Variants in PTPRM observed in about 807,000 individuals in gnomAD.
PTPRM encodes the protein protein tyrosine phosphatase receptor type M, also known as receptor-type tyrosine-protein phosphatase mu.
Under a neutral mutation model 186.7 loss-of-function variants are expected in PTPRM, and 47 were observed. The observed-to-expected ratio is 0.25, with a 90% CI of 0.20 to 0.32. The LOEUF is 0.32. Among genes scored for constraint, PTPRM ranks in the 10% least tolerant of loss-of-function variants. The pLI is 1.00. For missense variants in PTPRM, 1,494 were observed against 1,865.0 expected (o/e 0.80, Z 3.66); for synonymous variants, 668 against 674.9 (o/e 0.99, Z 0.16).
At chr18:8,384,816 CAT>C (rs2095761311) in intron 30 of PTPRM, 130 bp downstream of exon 30, 2 of 1,154,462 alleles carry the variant, frequency 1.7e-6, no homozygotes, top group South Asian at 1.5e-5. Flanking sequence ...ACCAAAAAAA[CAT>C]AGATTCCTGA....
chr18:8,191,365 A>G (rs1056934591), intron 14 of PTPRM, among the ~76,000 whole-genome samples: 1 of 152,188 alleles, frequency 6.6e-6, no homozygotes, highest in Non-Finnish European at 1.5e-5. Context: ...GGAGGTGGGA[A>G]AGGACTTCTC....
At chr18:7,849,214 T>G (rs2046746350) in intron 2 of PTPRM, among the ~76,000 whole-genome samples, 1 of 152,246 alleles carries the variant, frequency 6.6e-6, no homozygotes, top group East Asian at 1.9e-4. Flanking sequence ...TGGGTTAAAT[T>G]CCTATGTCTA....
At chr18:8,383,956 C>T (rs532863518) in intron 29 of PTPRM, among the ~76,000 whole-genome samples, 2 of 152,308 alleles carry the variant, frequency 1.3e-5, no homozygotes, top group African/African-American at 4.8e-5. Context: ...CAAAAGGGGA[C>T]ATGGCGACTG....
At chr18:7,868,640 G>T (rs901518233) in intron 2 of PTPRM, among the ~76,000 whole-genome samples, 1 of 152,208 alleles carries the variant, frequency 6.6e-6, no homozygotes, top group Admixed American at 6.5e-5. Context: ...GTCAACCCCT[G>T]CTGGGAGGTG....
intron 3 of PTPRM, among the ~76,000 whole-genome samples, chr18:7,900,968 A>G (rs2049643138): frequency 6.6e-6 from 1 of 152,244 alleles, no homozygotes; most frequent in African/African-American, 2.4e-5. Flanking sequence ...AAAAATGAAC[A>G]TGGCACATCC....
chr18:8,082,661 T>C (rs2090196303), intron 9 of PTPRM, among the ~76,000 whole-genome samples: 1 of 151,894 alleles, frequency 6.6e-6, no homozygotes, highest in Non-Finnish European at 1.5e-5. Context: ...AATACCTACA[T>C]TCATTAGGGA....
intron 7 of PTPRM, among the ~76,000 whole-genome samples, chr18:8,019,803 AATAT>A: frequency 6.8e-6 from 1 of 147,730 alleles, no homozygotes; most frequent in East Asian, 1.9e-4. Flanking sequence ...TTTATAATAT[AATAT>A]AAATAATATT....
intron 7 of PTPRM, among the ~76,000 whole-genome samples, chr18:7,989,607 A>T (rs9952921): frequency 0.02 from 3,097 of 152,222 alleles, 93 homozygotes; most frequent in African/African-American, 0.07. Flanking sequence ...ATCCTGCTAG[A>T]TAACCTCCTG....
At chr18:8,049,262 A>G (rs1212394893) in intron 7 of PTPRM, 1 of 152,176 alleles carries the variant, frequency 6.6e-6, no homozygotes, top group East Asian at 1.9e-4. Context: ...ATAGTGATGA[A>G]CTTTACACTT....
At chr18:7,947,909 C>CA (rs2052653526) in intron 5 of PTPRM, among the ~76,000 whole-genome samples, 1 of 152,050 alleles carries the variant, frequency 6.6e-6, no homozygotes, top group South Asian at 2.1e-4. Context: ...TAAGCCCAGC[C>CA]ACCACTTTTC....
intron 14 of PTPRM, among the ~76,000 whole-genome samples, chr18:8,181,855 T>A (rs2093579596): frequency 2.0e-5 from 2 of 97,814 alleles, no homozygotes; most frequent in African/African-American, 4.4e-5. Context: ...AGCTTTTTAA[T>A]ACGTGAAAAA....
chr18:8,068,215 C>T (rs2089226127), intron 7 of PTPRM, among the ~76,000 whole-genome samples: 1 of 152,104 alleles, frequency 6.6e-6, no homozygotes, highest in African/African-American at 2.4e-5. Flanking sequence ...TAAACTGTAG[C>T]TTTTATATCT....
chr18:8,405,929 G>A (rs891633723), intron 32 of PTPRM, among the ~76,000 whole-genome samples, 180 bp from the exon 33 acceptor site: 1 of 152,164 alleles, frequency 6.6e-6, no homozygotes, highest in Admixed American at 6.5e-5. Flanking sequence ...CAGCATTGTG[G>A]GGAGCATCTC....
intron 1 of PTPRM, among the ~76,000 whole-genome samples, chr18:7,717,900 G>C (rs1439418001): frequency 6.6e-6 from 1 of 152,160 alleles, no homozygotes; most frequent in African/African-American, 2.4e-5. Flanking sequence ...TCCAGTGCTT[G>C]TTGACTCCAG....
chr18:8,143,845 G>A lies in PTPRM; in HGVS notation c.2300+66G>A. 4 of 1,575,466 alleles carry A rather than the reference G, an allele frequency of 2.5e-6. No individual in the cohort carries two copies. In the Admixed American group the frequency reaches 6.7e-5, roughly 26 times the overall value. On this transcript the variant is annotated intron_variant, in intron 14 of 32. Transcript: ENST00000580170. ...TTGTTTGCTGGAATGTTTTGTGTGT[G>A]TGAAAATTCTCAGTTACTGAACTGG...
At chr18:7,947,455 A>C (rs1000321685) in intron 5 of PTPRM, among the ~76,000 whole-genome samples, 1 of 150,728 alleles carries the variant, frequency 6.6e-6, no homozygotes, top group African/African-American at 2.5e-5. Context: ...AGGACTTTGC[A>C]TAGTATAAAT....
At chr18:8,380,835 G>T (rs138500515) in intron 29 of PTPRM, among the ~76,000 whole-genome samples, 1 of 152,164 alleles carries the variant, frequency 6.6e-6, no homozygotes, top group Non-Finnish European at 1.5e-5. Flanking sequence ...ACCCAGCCCA[G>T]ATCCCATTCC....
chr18:7,845,378 A>G (rs943492987), intron 2 of PTPRM, among the ~76,000 whole-genome samples: 10 of 152,204 alleles, frequency 6.6e-5, no homozygotes, highest in African/African-American at 2.4e-4. Context: ...GTCCACGTCA[A>G]CTTATGCTTT....
chr18:8,192,287 A>G (rs2093719938), intron 14 of PTPRM, among the ~76,000 whole-genome samples: 1 of 152,212 alleles, frequency 6.6e-6, no homozygotes, highest in South Asian at 2.1e-4. Context: ...CTTCAGTAGC[A>G]GTGAGCATGT....
Sources: allele counts gnomAD v4.1 joint callset (sites outside exome capture counted in the v4.1 genomes callset), GRCh38; gene constraint gnomAD v4.1.1; transcripts MANE v1.5; gene names NCBI Gene and HGNC (gene_info 2026-07-23, HGNC 2026-07-21).